The following CORIN variants were observed in gnomAD, a reference collection of about 807,000 sequenced individuals.
CORIN encodes corin, serine peptidase.
CORIN carries 117 observed loss-of-function variants against 125.3 expected under a neutral mutation model. That is an observed-to-expected ratio of 0.93 (90% CI 0.80 to 1.09). The LOEUF is 1.09. Among genes scored for constraint, CORIN ranks in the 50% least tolerant of loss-of-function variants. CORIN has a pLI of 0.00. For missense variants in CORIN, 1,253 were observed against 1,306.7 expected (o/e 0.96, Z 0.63); for synonymous variants, 450 against 466.4 (o/e 0.96, Z 0.45).
chr4:47,688,523 G>T (rs1043575798), intron 6 of CORIN, among the ~76,000 whole-genome samples: 5 of 152,108 alleles, frequency 3.3e-5, no homozygotes, highest in Non-Finnish European at 5.9e-5. Context: ...AATTGCTTGA[G>T]CTCGGGTAGT....
At chr4:47,701,364 A>G (rs1372638580) in intron 5 of CORIN, among the ~76,000 whole-genome samples, 2 of 152,250 alleles carry the variant, frequency 1.3e-5, no homozygotes, top group South Asian at 2.1e-4. Context: ...TTCCTTTGAA[A>G]TAAAGCTATG....
chr4:47,599,125 C>T (rs747550443), intron 21 of CORIN, among the ~76,000 whole-genome samples: 10 of 152,158 alleles, frequency 6.6e-5, no homozygotes, highest in Non-Finnish European at 1.3e-4. Flanking sequence ...CCTCCTACAA[C>T]ACTTTATTTT....
At chr4:47,765,697 T>C (rs1729700668) in intron 3 of CORIN, among the ~76,000 whole-genome samples, 2 of 152,222 alleles carry the variant, frequency 1.3e-5, no homozygotes, top group Non-Finnish European at 2.9e-5. Flanking sequence ...TTTTGGATTT[T>C]TGCTAATCTG....
At chr4:47,706,468 C>G (rs1408131817) in intron 5 of CORIN, 3 of 1,611,264 alleles carry the variant, frequency 1.9e-6, no homozygotes, top group Non-Finnish European at 2.5e-6. Context: ...GTACCGCCAG[C>G]TCTCTGCTCT....
chr4:47,650,985 A>C (rs1386898914), intron 13 of CORIN, among the ~76,000 whole-genome samples: 1 of 152,230 alleles, frequency 6.6e-6, no homozygotes, highest in African/African-American at 2.4e-5. Context: ...AATCTACCAC[A>C]AGAGCTGGAG....
intron 1 of CORIN, among the ~76,000 whole-genome samples, chr4:47,815,880 TCAAA>T (rs1732244692): frequency 6.6e-6 from 1 of 151,930 alleles, no homozygotes; most frequent in African/African-American, 2.4e-5. Context: ...TCCAAAGGAG[TCAAA>T]CAGTTAACAT....
intron 5 of CORIN, among the ~76,000 whole-genome samples, chr4:47,701,507 A>G (rs191831838): frequency 7.9e-5 from 12 of 152,336 alleles, no homozygotes; most frequent in Admixed American, 7.2e-4. Context: ...TAGTCATCAT[A>G]ACATTTTCTA....
chr4:47,801,626 G>C (rs189079069), intron 2 of CORIN, among the ~76,000 whole-genome samples: 1 of 152,350 alleles, frequency 6.6e-6, no homozygotes, highest in East Asian at 1.9e-4. Context: ...ACTTGGGAGA[G>C]GGAGAGTGCA....
chr4:47,813,222 G>A (rs1303713472), intron 1 of CORIN, among the ~76,000 whole-genome samples: 1 of 152,192 alleles, frequency 6.6e-6, no homozygotes, highest in Non-Finnish European at 1.5e-5. Context: ...ACCAATAAAT[G>A]TCAAGTATCG....
intron 13 of CORIN, among the ~76,000 whole-genome samples, chr4:47,649,606 G>A (rs1358408729): frequency 6.6e-6 from 1 of 152,218 alleles, no homozygotes; most frequent in Admixed American, 6.5e-5. Flanking sequence ...ACCCAGAGAA[G>A]TAAACTGACT....
At chr4:47,608,762 T>C (rs1721757472) in intron 19 of CORIN, among the ~76,000 whole-genome samples, 1 of 152,198 alleles carries the variant, frequency 6.6e-6, no homozygotes, top group South Asian at 2.1e-4. Flanking sequence ...CACTTACATA[T>C]GTCAGACACA....
intron 3 of CORIN, among the ~76,000 whole-genome samples, chr4:47,778,209 A>G (rs973595894): frequency 2.0e-5 from 3 of 152,242 alleles, no homozygotes; most frequent in African/African-American, 7.2e-5. Context: ...AATTTGAGCC[A>G]CAAGCCCTTT....
At chr4:47,771,154 T>C (rs1340080687) in intron 3 of CORIN, among the ~76,000 whole-genome samples, 1 of 152,188 alleles carries the variant, frequency 6.6e-6, no homozygotes, top group East Asian at 1.9e-4. Context: ...AAATGGGTTA[T>C]GAGCCCTCAC....
intron 1 of CORIN, among the ~76,000 whole-genome samples, chr4:47,816,218 A>C: frequency 6.6e-6 from 1 of 152,232 alleles, no homozygotes; most frequent in Non-Finnish European, 1.5e-5. Context: ...CAGTGAAAAA[A>C]TACAAGTAAT....
At chr4:47,701,071 T>C (rs542825462) in intron 5 of CORIN, among the ~76,000 whole-genome samples, 1 of 152,344 alleles carries the variant, frequency 6.6e-6, no homozygotes, top group Admixed American at 6.5e-5. Context: ...TGATAGGTGG[T>C]TGGTAAATGC....
chr4:47,681,201 C>A (rs1295275533), intron 7 of CORIN: 1 of 152,156 alleles, frequency 6.6e-6, no homozygotes, highest in East Asian at 1.9e-4. Flanking sequence ...CATAGACAGA[C>A]TTCCGGAGTG....
At chr4:47,822,230 T>C (rs1330143043) in intron 1 of CORIN, among the ~76,000 whole-genome samples, 1 of 152,252 alleles carries the variant, frequency 6.6e-6, no homozygotes, top group Non-Finnish European at 1.5e-5. Context: ...AGGTACAGTA[T>C]AAGGAACTGA....
intron 3 of CORIN, among the ~76,000 whole-genome samples, chr4:47,767,649 G>A (rs1729820530): frequency 6.6e-6 from 1 of 152,122 alleles, no homozygotes; most frequent in Non-Finnish European, 1.5e-5. Context: ...AACCATGACT[G>A]TCTCCTATGA....
Position 47,626,245 on chromosome 4 carries a change from CA to C in CORIN, c.2315+159del, listed in dbSNP as rs13306283. Among the ~76,000 whole-genome samples, 6 of 152,226 alleles carry C rather than the reference CA, an allele frequency of 3.9e-5. No individual in the cohort carries two copies. The East Asian group carries it at 1.2e-3, about 29-fold the overall frequency. ...TATGTCTAGAAAGAAGAAATAAAAGCAACCAATGTTGAAATGTAAAGGCAAT... is the reference window on the plus strand; with the variant it reads ...TATGTCTAGAAAGAAGAAATAAAAGCACCAATGTTGAAATGTAAAGGCAAT... On this transcript the variant is annotated intron_variant, in intron 17 of 21. Transcript: ENST00000273857.
Sources: allele counts gnomAD v4.1 joint callset (sites outside exome capture counted in the v4.1 genomes callset), GRCh38; gene constraint gnomAD v4.1.1; transcripts MANE v1.5; gene names NCBI Gene and HGNC (gene_info 2026-07-23, HGNC 2026-07-21).